MICAL2: variants seen among roughly 807,000 people sequenced by gnomAD.
MICAL2 encodes microtubule associated monooxygenase, calponin and LIM domain containing 2, also known as [F-actin]-monooxygenase MICAL2.
In MICAL2, 77 loss-of-function variants were observed where a neutral mutation model predicts 127.3. The ratio of observed to expected loss-of-function variants is 0.60; its 90% CI spans 0.50 to 0.73. The LOEUF (loss-of-function observed/expected upper bound fraction) is 0.73, where lower values mean the gene tolerates loss of function less well. Among genes scored for constraint, MICAL2 ranks in the 30% least tolerant of loss-of-function variants. The pLI is 0.00. For missense variants in MICAL2, 1,351 were observed against 1,434.4 expected (o/e 0.94, Z 0.94); for synonymous variants, 570 against 551.1 (o/e 1.03, Z -0.48).
intron 17 of MICAL2, among the ~76,000 whole-genome samples, chr11:12,239,875 C>CA (rs1419815717): frequency 3.3e-5 from 5 of 152,326 alleles, no homozygotes; most frequent in African/African-American, 4.8e-5. Context: ...ACTTTATTTA[C>CA]AAAAAACAGG....
intron 1 of MICAL2, among the ~76,000 whole-genome samples, chr11:12,132,495 A>C (rs1483246089): frequency 6.6e-6 from 1 of 152,250 alleles, no homozygotes; most frequent in Non-Finnish European, 1.5e-5. Flanking sequence ...TATGAAAAGA[A>C]AAAGAAAAGT....
chr11:12,166,978 G>A (rs1464450953), intron 3 of MICAL2, among the ~76,000 whole-genome samples: 1 of 152,246 alleles, frequency 6.6e-6, no homozygotes, highest in East Asian at 1.9e-4. Context: ...GTGAAAGCCG[G>A]AGAGAACAGA....
intron 1 of MICAL2, among the ~76,000 whole-genome samples, chr11:12,129,636 C>CTT (rs559528778): frequency 0.081 from 7,850 of 97,386 alleles, 430 homozygotes; most frequent in East Asian, 0.1. Context: ...TCTTCTTCTT[C>CTT]TTTTTTTTTT....
intron 2 of MICAL2, among the ~76,000 whole-genome samples, chr11:12,161,073 G>C (rs1374244916): frequency 6.6e-6 from 1 of 152,136 alleles, no homozygotes; most frequent in East Asian, 1.9e-4. Flanking sequence ...CTTGCTCAGA[G>C]ACCCCTCCAG....
rs61365288 is a variant in MICAL2, at chr11:12,139,587, G to C, written c.-78+1127G>C. On this transcript the variant is annotated intron_variant, in intron 2 of 27. Transcript: ENST00000683283. Reference sequence around the variant, plus strand: ...CACGTGGGGTGAGGAGTCCACGGGAGTCCTGAATGGCAGGATGACAAGGGG... The same window carrying C: ...CACGTGGGGTGAGGAGTCCACGGGACTCCTGAATGGCAGGATGACAAGGGG... Among the ~76,000 whole-genome samples, 607 of 152,306 alleles carry C rather than the reference G, an allele frequency of 4.0e-3. 5 individuals are homozygous for C. The highest frequency in any genetic ancestry group is 0.014 in the African/African-American group (570 of 41,572).
At chr11:12,299,152 T>G (rs2134800269) in intron 29 of MICAL2, among the ~76,000 whole-genome samples, 2 of 152,360 alleles carry the variant, frequency 1.3e-5, no homozygotes, top group Admixed American at 1.3e-4. Flanking sequence ...GAGTTAGCAC[T>G]GGAAGTAGTG....
At chr11:12,137,860 A>T (rs1851975189) in intron 1 of MICAL2, among the ~76,000 whole-genome samples, 1 of 152,216 alleles carries the variant, frequency 6.6e-6, no homozygotes, top group African/African-American at 2.4e-5. Context: ...GGATGTCATG[A>T]AATAATGTGG....
chr11:12,167,279 G>A (rs187735325), intron 3 of MICAL2, among the ~76,000 whole-genome samples: 7 of 152,226 alleles, frequency 4.6e-5, no homozygotes, highest in South Asian at 4.1e-4. Context: ...AAACTCTTGC[G>A]TTATCTTTTT....
intron 32 of MICAL2, among the ~76,000 whole-genome samples, chr11:12,333,024 A>G (rs1023179674): frequency 4.6e-5 from 7 of 152,228 alleles, no homozygotes; most frequent in Non-Finnish European, 2.9e-5. Flanking sequence ...GCCACTCTGT[A>G]GGAAGTCCAT....
intron 3 of MICAL2, among the ~76,000 whole-genome samples, chr11:12,183,901 T>C (rs2133967279): frequency 6.6e-6 from 1 of 152,302 alleles, no homozygotes; most frequent in South Asian, 2.1e-4. Flanking sequence ...CACCTCAGCC[T>C]CCCGAGTAGC....
chr11:12,234,535 C>T (rs1008835701), intron 15 of MICAL2, among the ~76,000 whole-genome samples: 5 of 152,174 alleles, frequency 3.3e-5, no homozygotes, highest in African/African-American at 1.2e-4. Context: ...TTTCCATTCA[C>T]AGAATAATGA....
In MICAL2 at chr11:12,220,380, C is replaced by G. The variant is rs1473328495; in HGVS notation, c.1128C>G (p.Ala376=). The G allele has an allele frequency of 6.2e-7, 1 of 1,614,096 alleles. No homozygotes were observed. Among genetic ancestry groups the G allele is most frequent in the Non-Finnish European group, 8.5e-7 (1 of 1,180,052 alleles). ...TGTTTGACTTTACCTGCATGTATGC[C>G]TCAGAGAACGCGGCCCTGGTGCGGG... ...VAMFDFTCMY[A]SENAALVRER... is the part of the protein sequence containing the mutation. The change falls in exon 9 of 28, where the codon GCC becomes GCG. Residue 376 remains alanine (A), a synonymous_variant. Transcript: ENST00000683283.
chr11:12,308,622 A>G lies in MICAL2; in HGVS notation c.5213-11074A>G, dbSNP rs557288228. 1.1e-4 allele frequency among the ~76,000 whole-genome samples: 16 copies of G among 152,346 alleles called. No homozygotes were observed. The South Asian group carries it at 3.3e-3, about 32-fold the overall frequency. On this transcript the variant is annotated intron_variant, in intron 29 of 34. Coordinates refer to the MICAL2 transcript ENST00000646065. ...TATATTGACCTTACTAAACTCACTT[A>G]TTATTGTAATAGCTTTTAAATAGAA... is the stretch of plus-strand genomic sequence containing the variant.
intron 32 of MICAL2, among the ~76,000 whole-genome samples, chr11:12,330,900 A>AGAGAGAGAGTGTGT (rs1238311364): frequency 6.4e-4 from 77 of 119,442 alleles, no homozygotes; most frequent in Middle Eastern, 4.1e-3. Context: ...AGAGAGAGAG[A>AGAGAGAGAGTGTGT]GTGTGTGTGT....
chr11:12,258,649 T>C, intron 25 of MICAL2, 93 bp downstream of exon 25: 1 of 1,154,596 alleles, frequency 8.7e-7, no homozygotes, highest in Non-Finnish European at 1.3e-6. Flanking sequence ...TTGCTGGCCC[T>C]AGAGGGATTG....
At chr11:12,289,719 C>T (rs1360279993), downstream of MICAL2, among the ~76,000 whole-genome samples, 1 of 152,060 alleles carries the variant, frequency 6.6e-6, no homozygotes, top group Non-Finnish European at 1.5e-5. Flanking sequence ...CAGGCGCGCA[C>T]CACCATGCCT....
At chr11:12,236,112 G>T in intron 15 of MICAL2, 65 bp from the exon 16 acceptor site, 1 of 1,406,298 alleles carries the variant, frequency 7.1e-7, no homozygotes, top group Non-Finnish European at 1.0e-6. Flanking sequence ...TGCCCTCAGG[G>T]ATCTTAGTGG....
intron 29 of MICAL2, chr11:12,303,544 T>C (rs1864073695): frequency 6.6e-6 from 1 of 152,244 alleles, no homozygotes; most frequent in African/African-American, 2.4e-5. Context: ...GTGTAAAATA[T>C]GCATCAGATT....
intron 3 of MICAL2, among the ~76,000 whole-genome samples, chr11:12,196,652 T>C (rs1859974720): frequency 6.6e-6 from 1 of 152,194 alleles, no homozygotes; most frequent in Non-Finnish European, 1.5e-5. Context: ...CTTTTCTCTC[T>C]TCTTACCATC....
Sources: allele counts gnomAD v4.1 joint callset (sites outside exome capture counted in the v4.1 genomes callset), GRCh38; gene constraint gnomAD v4.1.1; transcripts MANE v1.5; gene names NCBI Gene and HGNC (gene_info 2026-07-23, HGNC 2026-07-21).